Variants in PPFIBP1 observed in about 807,000 individuals in gnomAD.
PPFIBP1 encodes PPFIB scaffold protein 1.
In PPFIBP1, 112 loss-of-function variants were observed where a neutral mutation model predicts 137.8. That is an observed-to-expected ratio of 0.81 (90% CI 0.70 to 0.95). The LOEUF (loss-of-function observed/expected upper bound fraction) is 0.95. Ranked by LOEUF, PPFIBP1 falls within the 40% of genes least tolerant of loss-of-function variation. The pLI is 0.00. For missense variants in PPFIBP1, 1,083 were observed against 1,196.6 expected, an observed-to-expected ratio of 0.91 and a Z score of 1.40; for synonymous variants, 378 against 417.3, an observed-to-expected ratio of 0.91 and a Z score of 1.15.
chr12:27,611,731 T>C (rs1049116247), intron 2 of PPFIBP1, among the ~76,000 whole-genome samples: 2 of 152,160 alleles, frequency 1.3e-5, no homozygotes, highest in Non-Finnish European at 2.9e-5. Flanking sequence ...TATTTCTTTT[T>C]CCCAGATCCG....
chr12:27,538,075 T>G (rs1024303945), intron 1 of PPFIBP1: 12 of 152,322 alleles, frequency 7.9e-5, no homozygotes, highest in African/African-American at 2.9e-4. Flanking sequence ...CATCTGATCT[T>G]GACCTTTCTC....
Position 27,633,433 on chromosome 12 carries a change from T to C in PPFIBP1, c.37T>C (p.Leu13=), listed in dbSNP as rs1463603098. 1.9e-6 allele frequency: 3 copies of C among 1,613,338 alleles called. No homozygotes were observed. Among genetic ancestry groups the C allele is most frequent in the African/African-American group, 2.7e-5 (2 of 75,032 alleles). Residue 13 remains leucine (L), a synonymous_variant, in exon 3 of 30, where the codon TTG becomes CTG. Transcript: ENST00000228425. ...SDASDMLAAA[L]EQMDGIIAGS... ...TGCAAGTGACATGTTGGCTGCAGCG[T>C]TGGAGCAGATGGATGGTATCATAGC...
At chr12:27,581,362 A>G (rs2051097925) in intron 2 of PPFIBP1, among the ~76,000 whole-genome samples, 1 of 152,194 alleles carries the variant, frequency 6.6e-6, no homozygotes, top group Non-Finnish European at 1.5e-5. Context: ...GAATGGGCCC[A>G]GGTACAAGAA....
chr12:27,646,690 T>C (rs1395468174), intron 5 of PPFIBP1, among the ~76,000 whole-genome samples: 2 of 152,316 alleles, frequency 1.3e-5, no homozygotes, highest in South Asian at 4.1e-4. Context: ...AATGTTACCC[T>C]GTGTGAGACA....
At position 27,534,755 on chromosome 12, in the gene PPFIBP1, A is replaced by G. The variant is rs73087756; in HGVS notation, c.-124+10390A>G. On this transcript the variant is annotated intron_variant, in intron 1 of 29. Transcript: ENST00000228425. ...AAAACAGATACATCAAAGCACCAGG[A>G]AATACTCTGTAGAAAGGAGTTGTCC... is the stretch of plus-strand genomic sequence containing the variant. Among the ~76,000 whole-genome samples the G allele has an allele frequency of 1.5e-3, 236 of 152,318 alleles. 1 individual carries two copies. The highest frequency in any genetic ancestry group is 2.9e-3 in the South Asian group (14 of 4,828).
chr12:27,668,968 C>T (rs954787338), intron 13 of PPFIBP1, among the ~76,000 whole-genome samples: 8 of 152,154 alleles, frequency 5.3e-5, no homozygotes, highest in African/African-American at 1.9e-4. Context: ...GCCCTGAAAC[C>T]ATTTCTTAAT....
intron 19 of PPFIBP1, 127 bp downstream of exon 19, chr12:27,677,223 G>A (rs1280843949): frequency 9.2e-6 from 11 of 1,199,914 alleles, no homozygotes; most frequent in South Asian, 5.5e-5. Flanking sequence ...TCTCTATTCC[G>A]GAGTGTTCTT....
At chr12:27,664,909 C>T (rs1479734833) in intron 12 of PPFIBP1, among the ~76,000 whole-genome samples, 2 of 152,116 alleles carry the variant, frequency 1.3e-5, no homozygotes, top group Non-Finnish European at 2.9e-5. Context: ...CAGCAGTGGT[C>T]AGGCGTGGTG....
At chr12:27,685,232 C>A (rs1290561070) in intron 24 of PPFIBP1, among the ~76,000 whole-genome samples, 1 of 150,994 alleles carries the variant, frequency 6.6e-6, no homozygotes, top group Non-Finnish European at 1.5e-5. Context: ...TATATATATA[C>A]ACACACATAC....
rs571248118 is a variant in PPFIBP1 at position 27,529,138 on chromosome 12, A to G, written c.-124+4773A>G. Among the ~76,000 whole-genome samples the G allele has an allele frequency of 3.3e-5, 5 of 152,330 alleles. No homozygotes were observed. The South Asian group carries it at 1.0e-3, about 32-fold the overall frequency. Reference sequence around the variant, plus strand: ...TCTGGCCAAGGGTCATGTCTTAAATATGGATCATGTAGGAGGAAGATCAAG... The same window carrying G: ...TCTGGCCAAGGGTCATGTCTTAAATGTGGATCATGTAGGAGGAAGATCAAG... On this transcript the variant is annotated intron_variant, in intron 1 of 29. Transcript: ENST00000228425.
chr12:27,645,770 G>A (rs1195752544), intron 4 of PPFIBP1, among the ~76,000 whole-genome samples: 1 of 152,216 alleles, frequency 6.6e-6, no homozygotes, highest in African/African-American at 2.4e-5. Context: ...CCCTGGGTGT[G>A]TGTCTGCTCT....
At chr12:27,680,240 G>A (rs1020658313) in intron 21 of PPFIBP1, among the ~76,000 whole-genome samples, 179 bp downstream of exon 21, 10 of 152,180 alleles carry the variant, frequency 6.6e-5, no homozygotes, top group South Asian at 4.1e-4. Flanking sequence ...ACAAACAGAA[G>A]GTGAGGGCTG....
At chr12:27,580,559 T>C (rs886467198) in intron 2 of PPFIBP1, among the ~76,000 whole-genome samples, 2 of 152,242 alleles carry the variant, frequency 1.3e-5, no homozygotes, top group African/African-American at 4.8e-5. Context: ...GATAGTCATT[T>C]TATTTCTCAT....
At chr12:27,577,105 G>A (rs2050633483) in intron 1 of PPFIBP1, among the ~76,000 whole-genome samples, 1 of 152,088 alleles carries the variant, frequency 6.6e-6, no homozygotes, top group Non-Finnish European at 1.5e-5. Context: ...GTGATTTGAT[G>A]GGGTGTTGAG....
chr12:27,662,294 G>A (rs1342161991), intron 11 of PPFIBP1, among the ~76,000 whole-genome samples: 1 of 152,218 alleles, frequency 6.6e-6, no homozygotes, highest in Non-Finnish European at 1.5e-5. Flanking sequence ...TGCAGGTGGA[G>A]TCGGGGCGTG....
At chr12:27,579,647 C>T (rs2050895477) in intron 2 of PPFIBP1, among the ~76,000 whole-genome samples, 1 of 152,138 alleles carries the variant, frequency 6.6e-6, no homozygotes, top group South Asian at 2.1e-4. Context: ...TTTACAGTTG[C>T]TGGACATTTA....
At chr12:27,671,397 A>G (rs762910510) in intron 13 of PPFIBP1, 34 bp from the exon 14 acceptor site, 38 of 1,210,308 alleles carry the variant, frequency 3.1e-5, no homozygotes, top group Non-Finnish European at 4.3e-5. Context: ...TTTTGTTTTG[A>G]TTGATTGATT....
intron 10 of PPFIBP1, among the ~76,000 whole-genome samples, chr12:27,659,942 C>T (rs1481924326): frequency 1.3e-5 from 2 of 151,094 alleles, no homozygotes; most frequent in African/African-American, 4.9e-5. Context: ...GATGCTGTCT[C>T]TAAAAAAAAG....
At chr12:27,560,726 A>G (rs1365299083) in intron 1 of PPFIBP1, among the ~76,000 whole-genome samples, 1 of 152,226 alleles carries the variant, frequency 6.6e-6, no homozygotes, top group Non-Finnish European at 1.5e-5. Flanking sequence ...GTAATTTGAA[A>G]GGGCACAAAG....
Sources: allele counts gnomAD v4.1 joint callset (sites outside exome capture counted in the v4.1 genomes callset), GRCh38; gene constraint gnomAD v4.1.1; transcripts MANE v1.5; gene names NCBI Gene and HGNC (gene_info 2026-07-23, HGNC 2026-07-21).